BNIPL: variants seen among roughly 807,000 people sequenced by gnomAD.
BNIPL encodes BCL2 interacting protein like, also known as bcl-2/adenovirus E1B 19 kDa-interacting protein 2-like protein.
A neutral mutation model predicts 47.0 loss-of-function variants in BNIPL; 33 were observed. The ratio of observed to expected loss-of-function variants is 0.70; its 90% CI spans 0.53 to 0.94. The LOEUF (loss-of-function observed/expected upper bound fraction) is 0.94. Ranked by LOEUF, BNIPL falls within the 40% of genes least tolerant of loss-of-function variation. The probability of loss-of-function intolerance (pLI) is 0.00; values close to 1 mark genes in which losing one functional copy is unlikely to be tolerated. For missense variants in BNIPL, 404 were observed against 445.2 expected (o/e 0.91, Z 0.83); for synonymous variants, 145 against 162.7 (o/e 0.89, Z 0.83).
intron 1 of BNIPL, 76 bp from the exon 2 acceptor site, chr1:151,037,491 A>G: frequency 6.5e-7 from 1 of 1,531,192 alleles, no homozygotes; most frequent in Non-Finnish European, 8.8e-7. Context: ...CTGTATCTCA[A>G]TTACTGTTCT....
Position 151,046,795 on chromosome 1 carries a change from C to A in BNIPL, c.*108C>A. 1 of 848,090 alleles carries A rather than the reference C, an allele frequency of 1.2e-6. No individual in the cohort carries two copies. The highest frequency in any genetic ancestry group is 1.8e-6 in the Non-Finnish European group (1 of 552,414). The allele number at this position is 848,090 out of a possible 1,614,324, so 52.5% of individuals were successfully genotyped here. ...ATCATCTTATCCCCAACCTCAGTAC[C>A]ACCGGATCTTCACTTCTCAGTGGGA... On this transcript the variant is annotated 3_prime_UTR_variant, in exon 10 of 10. Transcript: ENST00000368931.
chr1:151,043,092 A>G lies in BNIPL; in HGVS notation c.570A>G (p.Val190=). ...GAATGGGACCACGGGAGCAGCGCGT[A>G]GACATGACTGTCATTGAGCCCTATA... ...VFRMGPREQR[V]DMTVIEPYKK... Residue 190 remains valine (V), a synonymous_variant, in exon 5 of 10, where the codon GTA becomes GTG. Transcript: ENST00000368931. 6.2e-7 allele frequency: 1 copy of G among 1,612,752 alleles called. No homozygotes were observed. Among genetic ancestry groups the G allele is most frequent in the East Asian group, 2.2e-5 (1 of 44,872 alleles).
At position 151,046,796 on chromosome 1, in the gene BNIPL, A is replaced by G; in HGVS notation, c.*109A>G. 1 of 791,324 alleles carries G rather than the reference A, an allele frequency of 1.3e-6. No individual in the cohort carries two copies. The allele number at this position is 791,324 out of a possible 1,614,324, so 49.0% of individuals were successfully genotyped here. A position where few individuals can be genotyped will look rare whatever the true frequency, so the allele number is the denominator to read the frequency against. On this transcript the variant is annotated 3_prime_UTR_variant, in exon 10 of 10. Coordinates refer to ENST00000368931, the MANE Select transcript of BNIPL (RefSeq NM_138278.4). ...TCATCTTATCCCCAACCTCAGTACCACCGGATCTTCACTTCTCAGTGGGAT... is the reference window on the plus strand; with the variant it reads ...TCATCTTATCCCCAACCTCAGTACCGCCGGATCTTCACTTCTCAGTGGGAT...
At chr1:151,041,022 A>T (rs963641874) in intron 4 of BNIPL, among the ~76,000 whole-genome samples, 4 of 151,482 alleles carry the variant, frequency 2.6e-5, no homozygotes, top group African/African-American at 9.7e-5. Context: ...TCTACAAAAA[A>T]AATTTTTTTT....
At chr1:151,044,864 G>T (rs1675950687) in intron 7 of BNIPL, 8 of 1,289,114 alleles carry the variant, frequency 6.2e-6, no homozygotes, top group African/African-American at 3.0e-5. Context: ...GTCCTTGCTG[G>T]TCTTCTTCCA....
chr1:151,043,440 G>A lies in BNIPL; in HGVS notation c.719+6G>A, dbSNP rs955723488. On this transcript the variant is annotated splice_donor_region_variant and intron_variant, in intron 6 of 9. Coordinates refer to ENST00000368931, the MANE Select transcript of BNIPL (RefSeq NM_138278.4). ...GTCATGGAACACTTGTTTAGGTGAG[G>A]TGGAAGGCCTGAAGGGCTACAGGGC... The A allele has an allele frequency of 1.9e-6, 3 of 1,589,942 alleles. No homozygotes were observed. The highest frequency in any genetic ancestry group is 1.3e-5 in the African/African-American group (1 of 74,222).
rs1309390000 is a variant in BNIPL at position 151,043,380 on chromosome 1, A to G, written c.665A>G (p.Tyr222Cys). The change falls in exon 6 of 10, where the codon TAT becomes TGT. Residue 222 changes from tyrosine to cysteine, a missense_variant. By Grantham distance (194) the Tyr-to-Cys change is radical (BLOSUM62 -2). Transcript: ENST00000368931. ...LNAVILFASCYLPRSSIPNYT... is the reference protein window; with the variant it reads ...LNAVILFASCCLPRSSIPNYT... ...GCTGTCATCCTTTTTGCTTCCTGTT[A>G]TCTACCCAGAAGCAGCATCCCCAAC... is the stretch of plus-strand genomic sequence containing the variant. 11 of 1,612,758 alleles carry G rather than the reference A, an allele frequency of 6.8e-6. No homozygotes were observed. The highest frequency in any genetic ancestry group is 1.6e-4 in the Middle Eastern group (1 of 6,062).
rs746404866 is a variant in BNIPL at position 151,038,525 on chromosome 1, C to T, written c.159C>T (p.Gly53=). ...EFPRLLPEEA[G]TSEDPEDPKG... is the part of the protein sequence containing the mutation. ...CTAGATTGCTTCCTGAGGAGGCTGG[C>T]ACTTCTGAAGATCCTGAAGACCCTA... Residue 53 remains glycine, a synonymous_variant, in exon 3 of 10, where the codon GGC becomes GGT. Transcript: ENST00000368931. 1 of 1,613,650 alleles carries T rather than the reference C, an allele frequency of 6.2e-7. No individual in the cohort carries two copies. The highest frequency in any genetic ancestry group is 8.5e-7 in the Non-Finnish European group (1 of 1,179,612).
rs587698038 is a variant in BNIPL, at chr1:151,038,700, C to T, written c.203-96C>T. 768 of 1,560,810 alleles carry T rather than the reference C, an allele frequency of 4.9e-4. 8 individuals carry two copies. In the South Asian group the frequency reaches 8.8e-3, roughly 18 times the overall value. ...CCTGCGTGAGTCCTTCTTCAGCATT[C>T]ACCCCATATTATCACTTTCACATAC... On this transcript the variant is annotated intron_variant, in intron 3 of 9. Transcript: ENST00000368931.
In BNIPL at chr1:151,038,023, A is replaced by AAAAAAAAC. The variant is rs1558098438; in HGVS notation, c.137+367_137+368insACAAAAAA. On this transcript the variant is annotated intron_variant, in intron 2 of 9. Coordinates refer to ENST00000368931, the MANE Select transcript of BNIPL (RefSeq NM_138278.4). ...CTCAAAAAAAAAAAAAAAAAAAAAA[A>AAAAAAAAC]AAAAAAGCAAATGGACACAGGGATG... 6.1e-5 allele frequency among the ~76,000 whole-genome samples: 9 copies of AAAAAAAAC among 147,090 alleles called. 1 individual carries two copies. The highest frequency in any genetic ancestry group is 2.2e-4 in the African/African-American group (9 of 40,238).
rs1468233629 is a variant in BNIPL, at chr1:151,042,983, G to A, written c.461G>A (p.Gly154Asp). 1 of 1,602,364 alleles carries A rather than the reference G, an allele frequency of 6.2e-7. No homozygotes were observed. Among genetic ancestry groups the A allele is most frequent in the African/African-American group, 1.3e-5 (1 of 74,314 alleles). The change falls in exon 5 of 10, where the codon GGC (glycine) becomes GAC (aspartate). Residue 154 changes from glycine to aspartate, a missense_variant. Coordinates refer to ENST00000368931, the MANE Select transcript of BNIPL (RefSeq NM_138278.4). The stretch of plus-strand genomic sequence containing the variant: ...GAACTACCCCGGGCAGAGGGTCTGG[G>A]CACCAGTGAGACAGCTGAAAGGCTG... ...EDELPRAEGL[G>D]TSETAERLGR...
At position 151,039,005 on chromosome 1, in the gene BNIPL, G is replaced by A. The variant is rs1344051569; in HGVS notation, c.412G>A (p.Gly138Arg). 6.3e-7 allele frequency: 1 copy of A among 1,587,112 alleles called. No homozygotes were observed. Among genetic ancestry groups the A allele is most frequent in the East Asian group, 2.2e-5 (1 of 44,626 alleles). Residue 138 changes from glycine (G) to arginine (R), a missense_variant, in exon 4 of 10, where the codon GGA becomes AGA. Physicochemically the swap from Gly to Arg is moderately radical, Grantham distance 125. Transcript: ENST00000368931. ...TTCAGACTCGGAGCAGCTGGACAGT[G>A]GACATGAATTTGAATGGGAAGGTGG... ...TPSDSEQLDSGHEFEWEDELP... is the reference protein window; with the variant it reads ...TPSDSEQLDSRHEFEWEDELP...
At chr1:151,046,567 C>G in intron 9 of BNIPL, 84 bp from the exon 10 acceptor site, 1 of 1,295,600 alleles carries the variant, frequency 7.7e-7, no homozygotes, top group Non-Finnish European at 1.1e-6. Context: ...TTCCAATTCA[C>G]CTGGCTTCTC....
chr1:151,039,462 G>A (rs1329252443), intron 4 of BNIPL, among the ~76,000 whole-genome samples: 2 of 152,194 alleles, frequency 1.3e-5, no homozygotes, highest in African/African-American at 4.8e-5. Flanking sequence ...TCATGAAGGA[G>A]ATGATTCTGA....
At position 151,038,900 on chromosome 1, in the gene BNIPL, G is replaced by A. The variant is rs761701773; in HGVS notation, c.307G>A (p.Asp103Asn). 8.1e-6 allele frequency: 13 copies of A among 1,614,128 alleles called. 1 individual carries two copies. In the Admixed American group the frequency reaches 1.0e-4, roughly 12 times the overall value. The part of the protein sequence containing the change: ...RLSLTKGPGN[D>N]GASPTQSAPS... ...GAGTCTGACTAAGGGGCCTGGAAATGATGGAGCTTCACCCACCCAGTCTGC... is the reference window on the plus strand; with the variant it reads ...GAGTCTGACTAAGGGGCCTGGAAATAATGGAGCTTCACCCACCCAGTCTGC... Residue 103 changes from aspartate to asparagine, a missense_variant, in exon 4 of 10, where the codon GAT becomes AAT. Physicochemically the swap from Asp to Asn is conservative, Grantham distance 23. Coordinates refer to ENST00000368931, the MANE Select transcript of BNIPL (RefSeq NM_138278.4).
rs1676046470 is a variant in BNIPL at position 151,046,881 on chromosome 1, G to A, written c.*194G>A. 4.1e-6 allele frequency: 2 copies of A among 487,364 alleles called. No individual in the cohort carries two copies. The highest frequency in any genetic ancestry group is 2.0e-5 in the African/African-American group (1 of 49,994). The allele number at this position is 487,364 out of a possible 1,614,324, so 30.2% of individuals were successfully genotyped here. A position where few individuals can be genotyped will look rare whatever the true frequency, so the allele number is the denominator to read the frequency against. On this transcript the variant is annotated 3_prime_UTR_variant, in exon 10 of 10. Transcript: ENST00000368931. Reference sequence around the variant, plus strand: ...TTTGAGGCTGGGAAACTGATCTGCTGGGTGACTTTCATTCCAGTTGCTGGG... The same window carrying A: ...TTTGAGGCTGGGAAACTGATCTGCTAGGTGACTTTCATTCCAGTTGCTGGG...
chr1:151,042,632 G>A (rs1195890082), intron 4 of BNIPL, among the ~76,000 whole-genome samples: 7 of 152,030 alleles, frequency 4.6e-5, no homozygotes, highest in South Asian at 4.2e-4. Context: ...TAGGCAACAC[G>A]GCAAAACCCT....
intron 7 of BNIPL, among the ~76,000 whole-genome samples, chr1:151,044,100 T>G (rs1675925723): frequency 6.6e-6 from 1 of 152,182 alleles, no homozygotes; most frequent in Non-Finnish European, 1.5e-5. Context: ...TCCTCCCACC[T>G]CAGCCTCCCA....
Position 151,037,625 on chromosome 1 carries a change from G to A in BNIPL, c.100G>A (p.Glu34Lys). 1 of 1,605,702 alleles carries A rather than the reference G, an allele frequency of 6.2e-7. No individual in the cohort carries two copies. The highest frequency in any genetic ancestry group is 1.1e-5 in the South Asian group (1 of 89,406). The change falls in exon 2 of 10, where the codon GAG (glutamate) becomes AAG (lysine). Residue 34 changes from glutamate to lysine, a missense_variant. Glu to Lys is a moderately conservative substitution (Grantham distance 56). Coordinates refer to ENST00000368931, the MANE Select transcript of BNIPL (RefSeq NM_138278.4). The stretch of plus-strand genomic sequence containing the variant: ...AGCAGCCCTGAGACATGGGGAGTTG[G>A]AGCTGAAGGAGGAATGGCAGGATGA... The part of the protein sequence containing the change: ...LGAALRHGEL[E>K]LKEEWQDEEF...
Sources: gnomAD v4.1 joint callset for allele counts (sites outside exome capture counted in the v4.1 genomes callset) on GRCh38, gnomAD v4.1.1 for gene constraint, MANE v1.5 for transcripts, NCBI Gene and HGNC (gene_info 2026-07-23, HGNC 2026-07-21) for gene names.